Variants in PIEZO2 observed in about 807,000 individuals in gnomAD.
PIEZO2 encodes the protein piezo-type mechanosensitive ion channel component 2.
PIEZO2 carries 172 observed loss-of-function variants against 337.3 expected under a neutral mutation model. The observed-to-expected ratio is 0.51, with a 90% confidence interval of 0.45 to 0.58. The LOEUF (loss-of-function observed/expected upper bound fraction) is 0.58. Ranked by LOEUF, PIEZO2 falls within the 20% of genes least tolerant of loss-of-function variation. The probability of loss-of-function intolerance (pLI) is 0.00; values close to 1 mark genes in which losing one functional copy is unlikely to be tolerated. For synonymous variants in PIEZO2, 1,251 were observed against 1,228.5 expected (o/e 1.02, Z -0.38); for missense variants, 3,028 against 3,391.3 (o/e 0.89, Z 2.66).
chr18:10,806,970 G>T (rs1230391026), intron 8 of PIEZO2, 142 bp downstream of exon 8: 4 of 861,838 alleles, frequency 4.6e-6, no homozygotes, highest in Non-Finnish European at 6.8e-6. Flanking sequence ...ACTCTTTGCA[G>T]AATTAAAACA....
rs2041415133 is a variant in PIEZO2, at chr18:10,847,897, G to A, written c.917+7456C>T. 6.6e-6 allele frequency among the ~76,000 whole-genome samples: 1 copy of A among 152,222 alleles called. No individual in the cohort carries two copies. Among genetic ancestry groups the A allele is most frequent in the African/African-American group, 2.4e-5 (1 of 41,464 alleles). The stretch of plus-strand genomic sequence containing the variant: ...CTAACAAAAAGGTGAAGGGAAAGTG[G>A]TAGCTTGGTTGGGTTCATTTGCATT... On this transcript the variant is annotated intron_variant, in intron 7 of 55. Coordinates refer to ENST00000674853, the MANE Select transcript of PIEZO2 (RefSeq NM_001378183.1). This position sits in a 1 kb window ranked among gnomAD's most constrained non-coding sequence, Gnocchi z 5.7.
chr18:11,018,213 TGGTGGTG>T (rs201248050), intron 2 of PIEZO2, among the ~76,000 whole-genome samples: 1,778 of 140,342 alleles, frequency 0.013, 34 homozygotes, highest in African/African-American at 0.045. Flanking sequence ...GTGGTGGTGG[TGGTGGTG>T]GTGTGTGTGT....
At chr18:10,871,729 G>T (rs913962202) in intron 4 of PIEZO2, among the ~76,000 whole-genome samples, 3 of 152,208 alleles carry the variant, frequency 2.0e-5, no homozygotes, top group African/African-American at 7.2e-5. Flanking sequence ...GCAGTTGTTT[G>T]CAATCTAGCT....
In PIEZO2 at chr18:10,855,332, T is replaced by A. The variant is rs1422055385; in HGVS notation, c.917+21A>T. ...GTGGGGGGACAACCTCTCCTGGAAA[T>A]GCCATAAGGATTTCTCTTACCTTGC... On this transcript the variant is annotated intron_variant, in intron 7 of 55. Coordinates refer to ENST00000674853, the MANE Select transcript of PIEZO2 (RefSeq NM_001378183.1). This position sits in a 1 kb window ranked among gnomAD's most constrained non-coding sequence, Gnocchi z 4.9. 6.6e-6 allele frequency: 10 copies of A among 1,513,716 alleles called. No individual in the cohort carries two copies. Among genetic ancestry groups the A allele is most frequent in the Non-Finnish European group, 8.9e-6 (10 of 1,125,920 alleles). The allele number at this position is 1,513,716 out of a possible 1,614,324, so 93.8% of individuals were successfully genotyped here.
At chr18:10,986,998 C>A (rs1187768900) in intron 2 of PIEZO2, among the ~76,000 whole-genome samples, 1 of 151,674 alleles carries the variant, frequency 6.6e-6, no homozygotes, top group Non-Finnish European at 1.5e-5. Context: ...GTAAATTTGC[C>A]AAGGAGGTGA....
Position 10,691,212 on chromosome 18 carries a change from C to CTT in PIEZO2, c.7349+12_7349+13insAA. 6.2e-7 allele frequency: 1 copy of CTT among 1,610,356 alleles called. No individual in the cohort carries two copies. Among genetic ancestry groups the CTT allele is most frequent in the Non-Finnish European group, 8.5e-7 (1 of 1,178,426 alleles). On this transcript the variant is annotated intron_variant, in intron 48 of 55. Transcript: ENST00000674853. ...TCCCCCATAAGTGACTGTGACGTTGCAGAGCGTCCTACCCTTGGAATAAGA... is the reference window on the plus strand; with the variant it reads ...TCCCCCATAAGTGACTGTGACGTTGCTTAGAGCGTCCTACCCTTGGAATAAGA...
At chr18:10,762,796 C>G in intron 22 of PIEZO2, 126 bp downstream of exon 22, 1 of 1,339,058 alleles carries the variant, frequency 7.5e-7, no homozygotes, top group Non-Finnish European at 1.0e-6. Flanking sequence ...CAGAGCACGA[C>G]CAGCCAGGGA....
intron 2 of PIEZO2, among the ~76,000 whole-genome samples, chr18:11,060,571 G>A (rs1356704546): frequency 6.6e-6 from 1 of 151,922 alleles, no homozygotes; most frequent in Non-Finnish European, 1.5e-5. Context: ...ATGACAAAGG[G>A]GATATCACCA....
chr18:10,892,110 A>C (rs2042774477), intron 4 of PIEZO2, among the ~76,000 whole-genome samples: 1 of 152,172 alleles, frequency 6.6e-6, no homozygotes, highest in African/African-American at 2.4e-5. Context: ...GCAAACATTC[A>C]TAGCAGCTCT....
intron 1 of PIEZO2, among the ~76,000 whole-genome samples, chr18:11,138,628 A>C (rs1432270478): frequency 6.6e-6 from 1 of 152,178 alleles, no homozygotes; most frequent in African/African-American, 2.4e-5. Context: ...CTATCTGTAT[A>C]TTGAGGAGTA....
chr18:10,761,484 G>A (rs2038131477), intron 23 of PIEZO2, among the ~76,000 whole-genome samples: 2 of 152,194 alleles, frequency 1.3e-5, no homozygotes, highest in South Asian at 2.1e-4. Context: ...GACGCACTGA[G>A]CTAAATGAAC....
At chr18:11,133,796 A>G (rs145667529) in intron 1 of PIEZO2, among the ~76,000 whole-genome samples, 3 of 140,684 alleles carry the variant, frequency 2.1e-5, no homozygotes, top group Non-Finnish European at 4.8e-5. Context: ...TCCTCTCTCT[A>G]TATATATGTG....
chr18:11,074,244 C>T (rs1022230996), intron 1 of PIEZO2, among the ~76,000 whole-genome samples: 5 of 152,228 alleles, frequency 3.3e-5, no homozygotes, highest in African/African-American at 7.2e-5. Flanking sequence ...ACCATATTCT[C>T]GCTGCACAAT....
rs1343682975 is a variant in PIEZO2, at chr18:11,016,714, A to G, written c.161-37054T>C. On this transcript the variant is annotated intron_variant, in intron 2 of 55. Coordinates refer to ENST00000674853, the MANE Select transcript of PIEZO2 (RefSeq NM_001378183.1). This position sits in a 1 kb window ranked among gnomAD's most constrained non-coding sequence, Gnocchi z 5.6. ...ATCATGTTTCATGATGAAAAACTCC[A>G]TCAAATAATGTAATGTTTTTTCACT... is the stretch of plus-strand genomic sequence containing the variant. Among the ~76,000 whole-genome samples, 1 of 152,222 alleles carries G rather than the reference A, an allele frequency of 6.6e-6. No individual in the cohort carries two copies. Among genetic ancestry groups the G allele is most frequent in the African/African-American group, 2.4e-5 (1 of 41,456 alleles).
At position 11,035,427 on chromosome 18, in the gene PIEZO2, G is replaced by A. The variant is rs1279027201; in HGVS notation, c.160+30700C>T. On this transcript the variant is annotated intron_variant, in intron 2 of 55. Transcript: ENST00000674853. The surrounding 1 kb of genome is among the most constrained non-coding windows in gnomAD (Gnocchi z 4.3). ...TAAAAGCTTCCTGAGGTCTTGACCA[G>A]AAGAACGCCAGTGCCGTGCTTGCAC... Among the ~76,000 whole-genome samples the A allele has an allele frequency of 6.6e-6, 1 of 152,082 alleles. No individual in the cohort carries two copies. Among genetic ancestry groups the A allele is most frequent in the East Asian group, 1.9e-4 (1 of 5,188 alleles).
rs1376529046 is a variant in PIEZO2 at position 10,834,170 on chromosome 18, C to T, written c.917+21183G>A. On this transcript the variant is annotated intron_variant, in intron 7 of 55. Coordinates refer to ENST00000674853, the MANE Select transcript of PIEZO2 (RefSeq NM_001378183.1). The surrounding 1 kb of genome is among the most constrained non-coding windows in gnomAD (Gnocchi z 4.5). ...GTGTTAGGAACATTCCATTTCCACT[C>T]TCAGTTATTTTAAAATATGCAGTAC... is the stretch of plus-strand genomic sequence containing the variant. Among the ~76,000 whole-genome samples the T allele has an allele frequency of 1.3e-5, 2 of 152,158 alleles. No homozygotes were observed. The highest frequency in any genetic ancestry group is 4.8e-5 in the African/African-American group (2 of 41,420).
rs1380046457 is a variant in PIEZO2, at chr18:10,708,352, A to T, written c.5511T>A (p.Arg1837=). 6.5e-6 allele frequency: 1 copy of T among 152,702 alleles called. No individual in the cohort carries two copies. Among genetic ancestry groups the T allele is most frequent in the African/African-American group, 2.4e-5 (1 of 41,470 alleles). The allele number at this position is 152,702 out of a possible 1,614,324, so 9.5% of individuals were successfully genotyped here. A position where few individuals can be genotyped will look rare whatever the true frequency, so the allele number is the denominator to read the frequency against. ...DGQEIPKTSE[R]ARPRLRKMLS... is the part of the protein sequence containing the mutation. Reference sequence around the variant, plus strand: ...GCATTTTACGGAGCCTAGGCCGAGCACGCTCGCTTGTTTTAGGAATTTCTT... The same window carrying T: ...GCATTTTACGGAGCCTAGGCCGAGCTCGCTCGCTTGTTTTAGGAATTTCTT... The change falls in exon 40 of 56, where the codon CGT becomes CGA. Residue 1837 remains arginine, a synonymous_variant. Coordinates refer to ENST00000674853, the MANE Select transcript of PIEZO2 (RefSeq NM_001378183.1).
In PIEZO2 at chr18:10,755,790, G is replaced by C. The variant is rs530412416; in HGVS notation, c.3923+2179C>G. 3.2e-4 allele frequency among the ~76,000 whole-genome samples: 48 copies of C among 152,206 alleles called. 2 individuals are homozygous for C. The highest frequency in any genetic ancestry group is 1.6e-3 in the Admixed American group (24 of 15,286). ...GAATCTAGGGAGCCACCCCTCCTCA[G>C]TGCCCAGTGAATACAAGAAGTGAGG... On this transcript the variant is annotated intron_variant, in intron 27 of 55. Transcript: ENST00000674853.
chr18:10,757,538 G>A (rs1354188840), intron 27 of PIEZO2, among the ~76,000 whole-genome samples: 1 of 141,252 alleles, frequency 7.1e-6, no homozygotes, highest in Non-Finnish European at 1.5e-5. Context: ...GGATGAGGAT[G>A]AGCTATGGGG....
Sources: allele counts gnomAD v4.1 joint callset (sites outside exome capture counted in the v4.1 genomes callset), GRCh38; gene constraint gnomAD v4.1.1; non-coding constraint Gnocchi (gnomAD v3.1); transcripts MANE v1.5; gene names NCBI Gene and HGNC (gene_info 2026-07-23, HGNC 2026-07-21).